The following SMCO4 variants were observed in gnomAD, a reference collection of about 807,000 sequenced individuals.
The protein encoded by SMCO4 is single-pass membrane and coiled-coil domain-containing protein 4.
SMCO4 carries 4 observed loss-of-function variants against 3.6 expected under a neutral mutation model. That is an observed-to-expected ratio of 1.11 (90% CI 0.54 to 2.53). The LOEUF is 2.53. SMCO4 is among the 30% of genes most tolerant of loss of function. SMCO4 has a pLI of 0.02. For missense variants in SMCO4, 70 were observed against 80.8 expected, an observed-to-expected ratio of 0.87 and a Z score of 0.51; for synonymous variants, 36 against 35.3, an observed-to-expected ratio of 1.02 and a Z score of -0.07.
At chr11:93,489,094 C>T (rs1948684649) in intron 2 of SMCO4, among the ~76,000 whole-genome samples, 1 of 152,130 alleles carries the variant, frequency 6.6e-6, no homozygotes, top group Admixed American at 6.5e-5. Context: ...GAGAGCAACT[C>T]TTCTCCAGAC....
At chr11:93,485,899 G>A (rs944650767) in intron 2 of SMCO4, among the ~76,000 whole-genome samples, 1 of 152,194 alleles carries the variant, frequency 6.6e-6, no homozygotes, top group Admixed American at 6.5e-5. Context: ...ATTCAGTAAA[G>A]TATGCTGTTG....
intron 1 of SMCO4, among the ~76,000 whole-genome samples, chr11:93,528,168 A>G (rs1202014213): frequency 6.6e-6 from 1 of 152,162 alleles, no homozygotes; most frequent in Non-Finnish European, 1.5e-5. Flanking sequence ...ACTAAAATAA[A>G]GTACTTTATG....
At chr11:93,525,492 TC>T (rs1463981472) in intron 1 of SMCO4, among the ~76,000 whole-genome samples, 2 of 152,144 alleles carry the variant, frequency 1.3e-5, no homozygotes, top group African/African-American at 4.8e-5. Context: ...TCAGCAATTT[TC>T]AGAAAATTTA....
At chr11:93,483,469 T>G (rs945038872) in intron 2 of SMCO4, among the ~76,000 whole-genome samples, 3 of 152,160 alleles carry the variant, frequency 2.0e-5, no homozygotes, top group African/African-American at 7.2e-5. Flanking sequence ...ACACTGAAGT[T>G]GGACAATCAC....
At chr11:93,531,179 CA>C (rs1471485976) in intron 1 of SMCO4, among the ~76,000 whole-genome samples, 2 of 152,162 alleles carry the variant, frequency 1.3e-5, no homozygotes, top group Non-Finnish European at 2.9e-5. Flanking sequence ...TTCATCTAAT[CA>C]AATGAAGATC....
At chr11:93,479,743 G>C (rs2134563188) in intron 2 of SMCO4, among the ~76,000 whole-genome samples, 1 of 152,306 alleles carries the variant, frequency 6.6e-6, no homozygotes, top group Non-Finnish European at 1.5e-5. Context: ...GCCTCATTAA[G>C]GCTGCAGAGA....
intron 2 of SMCO4, among the ~76,000 whole-genome samples, chr11:93,492,883 CA>C (rs1948734772): frequency 6.6e-6 from 1 of 152,152 alleles, no homozygotes; most frequent in Admixed American, 6.5e-5. Flanking sequence ...TGATTCCTGA[CA>C]AAATTCATAT....
At chr11:93,542,476 C>A (rs2399674) in intron 1 of SMCO4, among the ~76,000 whole-genome samples, 140,997 of 152,206 alleles carry the variant, frequency 0.93, 66,246 homozygotes, top group Non-Finnish European at 1. Flanking sequence ...AACATCTCAT[C>A]CGCTCAGCTG....
At chr11:93,481,123 G>A (rs1301247857) in intron 2 of SMCO4, among the ~76,000 whole-genome samples, 2 of 151,978 alleles carry the variant, frequency 1.3e-5, no homozygotes, top group Non-Finnish European at 2.9e-5. Flanking sequence ...TCCTTTTCAA[G>A]TCTTCCAAAG....
At chr11:93,516,066 C>T (rs1285456267) in intron 1 of SMCO4, among the ~76,000 whole-genome samples, 1 of 152,200 alleles carries the variant, frequency 6.6e-6, no homozygotes, top group Non-Finnish European at 1.5e-5. Flanking sequence ...TACATGGCTG[C>T]AATTACTGCC....
In SMCO4 at chr11:93,511,179, G is replaced by A. The variant is rs564569212; in HGVS notation, c.-153-11831C>T. ...TAAACATGTCCAATTAAAAAAAAAT[G>A]CTTTCTAGAAAGGTAAGACAGGAAG... On this transcript the variant is annotated intron_variant, in intron 1 of 2. Coordinates refer to ENST00000298966, the MANE Select transcript of SMCO4 (RefSeq NM_020179.3). 2.6e-5 allele frequency among the ~76,000 whole-genome samples: 4 copies of A among 152,186 alleles called. No homozygotes were observed. The South Asian group carries it at 8.3e-4, about 32-fold the overall frequency.
intron 1 of SMCO4, among the ~76,000 whole-genome samples, chr11:93,532,468 T>A (rs575067042): frequency 1.3e-5 from 2 of 152,342 alleles, no homozygotes; most frequent in South Asian, 4.1e-4. Context: ...TCTGAGGCTT[T>A]TAGACTTGGA....
chr11:93,486,703 G>A (rs1380304592), intron 2 of SMCO4, among the ~76,000 whole-genome samples: 3 of 152,144 alleles, frequency 2.0e-5, no homozygotes, highest in Non-Finnish European at 4.4e-5. Context: ...GGCTGTTGAA[G>A]GGGTGCCTGC....
intron 1 of SMCO4, among the ~76,000 whole-genome samples, chr11:93,539,001 G>C (rs964025272): frequency 6.6e-6 from 1 of 152,208 alleles, no homozygotes; most frequent in Non-Finnish European, 1.5e-5. Context: ...TGCCTTTCCA[G>C]CTGGAAGCAT....
intron 1 of SMCO4, among the ~76,000 whole-genome samples, chr11:93,503,830 A>C (rs1948872833): frequency 3.3e-5 from 5 of 152,174 alleles, no homozygotes; most frequent in Admixed American, 2.6e-4. Context: ...AACTATGAGA[A>C]TATATTTGCT....
chr11:93,527,131 G>A (rs759580958), intron 1 of SMCO4, among the ~76,000 whole-genome samples: 1 of 152,160 alleles, frequency 6.6e-6, no homozygotes, highest in Non-Finnish European at 1.5e-5. Context: ...CCACCTCACT[G>A]GCAAACACAA....
intron 1 of SMCO4, among the ~76,000 whole-genome samples, chr11:93,520,400 A>T (rs1176146034): frequency 6.6e-6 from 1 of 152,196 alleles, no homozygotes; most frequent in Non-Finnish European, 1.5e-5. Context: ...TCAACAACTT[A>T]CAAGGTAGCA....
chr11:93,514,007 G>A (rs544089852), intron 1 of SMCO4, among the ~76,000 whole-genome samples: 2 of 152,214 alleles, frequency 1.3e-5, no homozygotes, highest in African/African-American at 4.8e-5. Flanking sequence ...GGGACCACCT[G>A]GTTTCATCAA....
upstream of SMCO4, among the ~76,000 whole-genome samples, chr11:93,546,120 C>G (rs1949313717): frequency 6.6e-6 from 1 of 152,234 alleles, no homozygotes; most frequent in African/African-American, 2.4e-5. Flanking sequence ...AGATAACTGA[C>G]ACACAGATCA....
Sources: gnomAD v4.1 joint callset for allele counts (sites outside exome capture counted in the v4.1 genomes callset) on GRCh38, gnomAD v4.1.1 for gene constraint, MANE v1.5 for transcripts, NCBI Gene and HGNC (gene_info 2026-07-23, HGNC 2026-07-21) for gene names.